Variants in NHEJ1 observed in about 807,000 individuals in gnomAD.
NHEJ1 encodes non-homologous end-joining factor 1.
Under a neutral mutation model 39.4 loss-of-function variants are expected in NHEJ1, and 22 were observed. The observed-to-expected ratio is 0.56, with a 90% CI of 0.40 to 0.80. The LOEUF is 0.80. Ranked by LOEUF, NHEJ1 falls within the 30% of genes least tolerant of loss-of-function variation. NHEJ1 has a pLI of 0.00. For missense variants in NHEJ1, 329 were observed against 357.1 expected, an observed-to-expected ratio of 0.92 and a Z score of 0.63; for synonymous variants, 154 against 135.6, an observed-to-expected ratio of 1.14 and a Z score of -0.94.
chr2:219,137,374 C>T (rs1418392155), intron 5 of NHEJ1, among the ~76,000 whole-genome samples: 1 of 151,860 alleles, frequency 6.6e-6, no homozygotes, highest in East Asian at 1.9e-4. Context: ...GCCTAATATT[C>T]CTAAAGATCA....
intron 5 of NHEJ1, among the ~76,000 whole-genome samples, chr2:219,119,103 A>T (rs542073828): frequency 1.3e-5 from 2 of 152,308 alleles, no homozygotes; most frequent in Admixed American, 1.3e-4. Context: ...TTAGTCGAGG[A>T]GCCGATGTTC....
intron 3 of NHEJ1, among the ~76,000 whole-genome samples, chr2:219,152,785 TTATTTTTA>T (rs1225497206): frequency 1.7e-3 from 234 of 140,102 alleles, no homozygotes; most frequent in Non-Finnish European, 2.9e-3. Context: ...ATTTATTTAT[TTATTTTTA>T]TTTATTTATT....
chr2:219,128,888 C>A (rs1949549363), intron 5 of NHEJ1, among the ~76,000 whole-genome samples: 1 of 152,192 alleles, frequency 6.6e-6, no homozygotes, highest in African/African-American at 2.4e-5. Context: ...CCCCAATGAC[C>A]CAGTACCTAG....
intron 5 of NHEJ1, among the ~76,000 whole-genome samples, chr2:219,095,857 T>C (rs1159448397): frequency 6.6e-6 from 1 of 151,948 alleles, no homozygotes; most frequent in Non-Finnish European, 1.5e-5. Flanking sequence ...AACATCTGAA[T>C]TGGGCCTAGG....
At chr2:219,088,414 G>A (rs1276666117) in intron 5 of NHEJ1, among the ~76,000 whole-genome samples, 3 of 152,024 alleles carry the variant, frequency 2.0e-5, no homozygotes, top group African/African-American at 4.8e-5. Context: ...GATTGCTTGA[G>A]CCCGGGAGTT....
intron 5 of NHEJ1, among the ~76,000 whole-genome samples, chr2:219,137,723 T>G (rs1287524745): frequency 6.6e-6 from 1 of 152,166 alleles, no homozygotes; most frequent in East Asian, 1.9e-4. Flanking sequence ...CCATTCTTAT[T>G]CTTATTTTCC....
At position 219,152,789 on chromosome 2, in the gene NHEJ1, T is replaced by TTATTTTTATTTATTTA. The variant is rs60094718; in HGVS notation, c.390+4682_390+4683insTAAATAAATAAAAATA. Among the ~76,000 whole-genome samples the TTATTTTTATTTATTTA allele has an allele frequency of 6.7e-4, 59 of 87,782 alleles. 1 individual carries two copies. The East Asian group carries it at 0.013, about 19-fold the overall frequency. 57.6% of individuals were successfully genotyped at this position (87,782 alleles called of 152,430 possible). A position where few individuals can be genotyped will look rare whatever the true frequency, so the allele number is the denominator to read the frequency against. ...GGATCTCTTTCATTTATTTATTTAT[T>TTATTTTTATTTATTTA]TTTATTTATTTATTTATTTATTTAT... On this transcript the variant is annotated intron_variant, in intron 3 of 7. Coordinates refer to ENST00000356853, the MANE Select transcript of NHEJ1 (RefSeq NM_024782.3).
At chr2:219,129,106 T>C (rs1472870005) in intron 5 of NHEJ1, among the ~76,000 whole-genome samples, 1 of 152,308 alleles carries the variant, frequency 6.6e-6, no homozygotes, top group East Asian at 1.9e-4. Flanking sequence ...AGAACAATAT[T>C]TGAGGCTTCA....
At chr2:219,091,507 T>C (rs114347562) in intron 5 of NHEJ1, among the ~76,000 whole-genome samples, 2,926 of 152,158 alleles carry the variant, frequency 0.019, 107 homozygotes, top group African/African-American at 0.066. Flanking sequence ...ATGAAATGAC[T>C]GAACTGGAAG....
At chr2:219,085,816 A>G (rs912572666) in intron 5 of NHEJ1, among the ~76,000 whole-genome samples, 1 of 151,848 alleles carries the variant, frequency 6.6e-6, no homozygotes. Context: ...CAAGTTACTG[A>G]ATCACTTTCT....
chr2:219,128,523 C>G (rs912114537), intron 5 of NHEJ1, among the ~76,000 whole-genome samples: 2 of 152,088 alleles, frequency 1.3e-5, no homozygotes, highest in African/African-American at 2.4e-5. Context: ...GGAAGCTGCT[C>G]CCACCAAGCC....
chr2:219,085,672 T>C (rs187438078), intron 5 of NHEJ1, among the ~76,000 whole-genome samples: 1 of 152,310 alleles, frequency 6.6e-6, no homozygotes, highest in African/African-American at 2.4e-5. Context: ...AAACTTAATC[T>C]TGTGTTTAGG....
intron 5 of NHEJ1, among the ~76,000 whole-genome samples, chr2:219,081,776 A>C (rs1026249571): frequency 2.0e-5 from 3 of 152,250 alleles, no homozygotes; most frequent in Non-Finnish European, 4.4e-5. Flanking sequence ...ATGAATTTTG[A>C]CACAAGAGTT....
intron 5 of NHEJ1, among the ~76,000 whole-genome samples, chr2:219,101,123 T>C (rs1949254941): frequency 6.6e-6 from 1 of 152,206 alleles, no homozygotes; most frequent in South Asian, 2.1e-4. Context: ...ATTTATTTAC[T>C]TATTTATTGG....
chr2:219,072,383 C>G lies in NHEJ1; in HGVS notation c.*3998G>C, dbSNP rs191976485. Among the ~76,000 whole-genome samples the G allele has an allele frequency of 2.0e-5, 3 of 152,308 alleles. No homozygotes were observed. Among genetic ancestry groups the G allele is most frequent in the Admixed American group, 2.0e-4 (3 of 15,296 alleles). ...CCCATACATTTATGGATATTAGTAA[C>G]AGAGACGAGGAACCAAGGTTCTTGA... On this transcript the variant is annotated 3_prime_UTR_variant, in exon 8 of 8. Transcript: ENST00000356853.
Position 219,124,708 on chromosome 2 carries a change from C to G in NHEJ1, c.588+21972G>C, listed in dbSNP as rs565309972. 4 of 151,802 alleles carry G rather than the reference C, an allele frequency of 2.6e-5. No individual in the cohort carries two copies. The South Asian group carries it at 8.4e-4, about 32-fold the overall frequency. The allele number at this position is 151,802 out of a possible 1,614,324, so 9.4% of individuals were successfully genotyped here. A position where few individuals can be genotyped will look rare whatever the true frequency, so the allele number is the denominator to read the frequency against. On this transcript the variant is annotated intron_variant, in intron 5 of 7. Coordinates refer to ENST00000356853, the MANE Select transcript of NHEJ1 (RefSeq NM_024782.3). ...TAGATAAAAACATTTTCGGAGTCTA[C>G]AACACTCTTTAACATTTTAAAATTT...
intron 3 of NHEJ1, 81 bp downstream of exon 3, chr2:219,157,391 C>CA (rs1233436476): frequency 1.0e-4 from 127 of 1,258,120 alleles, no homozygotes; most frequent in Middle Eastern, 2.6e-4. Flanking sequence ...ACAAGGTTTG[C>CA]AAAAAAAATA....
At chr2:219,156,367 A>G (rs1398805294) in intron 3 of NHEJ1, among the ~76,000 whole-genome samples, 1 of 152,252 alleles carries the variant, frequency 6.6e-6, no homozygotes, top group African/African-American at 2.4e-5. Flanking sequence ...ACTAAAGAAG[A>G]GAGAAAAAAA....
rs1559183955 is a variant in NHEJ1 at position 219,073,890 on chromosome 2, T to C, written c.*2491A>G. Among the ~76,000 whole-genome samples the C allele has an allele frequency of 1.3e-5, 2 of 151,560 alleles. No individual in the cohort carries two copies. Among genetic ancestry groups the C allele is most frequent in the African/African-American group, 4.8e-5 (2 of 41,242 alleles). On this transcript the variant is annotated 3_prime_UTR_variant, in exon 8 of 8. Coordinates refer to ENST00000356853, the MANE Select transcript of NHEJ1 (RefSeq NM_024782.3). ...TCGACCCTTTTATGTGCATGTAGAGTGGGGGTTGGGCCAGGCTGGGGGCCT... is the reference window on the plus strand; with the variant it reads ...TCGACCCTTTTATGTGCATGTAGAGCGGGGGTTGGGCCAGGCTGGGGGCCT...
Sources: allele counts gnomAD v4.1 joint callset (sites outside exome capture counted in the v4.1 genomes callset), GRCh38; gene constraint gnomAD v4.1.1; transcripts MANE v1.5; gene names NCBI Gene and HGNC (gene_info 2026-07-23, HGNC 2026-07-21).